KAT6A: variants seen among roughly 807,000 people sequenced by gnomAD.
KAT6A encodes lysine acetyltransferase 6A.
In KAT6A, 9 loss-of-function variants were observed where a neutral mutation model predicts 198.4. The observed-to-expected ratio is 0.05, with a 90% CI of 0.03 to 0.08. KAT6A has a LOEUF of 0.08. KAT6A is among the 10% of genes least tolerant of loss of function. KAT6A has a pLI of 1.00. For synonymous variants in KAT6A, 890 were observed against 883.0 expected (o/e 1.01, Z -0.14); for missense variants, 2,077 against 2,509.9 (o/e 0.83, Z 3.69).
chr8:41,961,522 A>T lies in KAT6A; in HGVS notation c.1483-6111T>A, dbSNP rs1823200573. 2.6e-5 allele frequency among the ~76,000 whole-genome samples: 4 copies of T among 152,192 alleles called. No individual in the cohort carries two copies. The South Asian group carries it at 8.3e-4, about 31-fold the overall frequency. On this transcript the variant is annotated intron_variant, in intron 8 of 16. Coordinates refer to ENST00000265713, the MANE Select transcript of KAT6A (RefSeq NM_006766.5). ...GTAATCCTAACACTTTGGGAGGCCA[A>T]GGTGGGCGGGTCACAAGGTCAAGAG...
rs759900272 is a variant in KAT6A, at chr8:42,048,536, G to T, written c.442C>A (p.Arg148=). The change falls in exon 2 of 17, where the codon CGA becomes AGA. Residue 148 remains arginine, a synonymous_variant. Coordinates refer to ENST00000265713, the MANE Select transcript of KAT6A (RefSeq NM_006766.5). Reference sequence around the variant, plus strand: ...CCAATGGCACGTTTGATAGCCAATCGTAACTGCTGGTGAAAGCCAGAGGCA... The same window carrying T: ...CCAATGGCACGTTTGATAGCCAATCTTAACTGCTGGTGAAAGCCAGAGGCA... ...SAASGFHQQL[R]LAIKRAIGHG... is the part of the protein sequence containing the mutation. 4 of 1,614,148 alleles carry T rather than the reference G, an allele frequency of 2.5e-6. No individual in the cohort carries two copies. Among genetic ancestry groups the T allele is most frequent in the African/African-American group, 2.7e-5 (2 of 75,048 alleles).
intron 2 of KAT6A, among the ~76,000 whole-genome samples, chr8:42,031,993 G>A (rs539834373): frequency 5.3e-5 from 8 of 150,720 alleles, no homozygotes; most frequent in South Asian, 2.1e-4. Context: ...GCAGTGGCCC[G>A]ATCTCAGCTC....
intron 2 of KAT6A, among the ~76,000 whole-genome samples, chr8:41,993,024 A>C (rs1015991439): frequency 5.9e-5 from 9 of 152,328 alleles, no homozygotes; most frequent in Admixed American, 5.9e-4. Flanking sequence ...GGTATTCAAA[A>C]TCATAACTAA....
intron 3 of KAT6A, among the ~76,000 whole-genome samples, chr8:41,985,892 C>T (rs186580180): frequency 2.0e-5 from 3 of 152,098 alleles, no homozygotes; most frequent in African/African-American, 7.2e-5. Context: ...AAAGATAATG[C>T]TGGTTTGCTA....
At chr8:42,000,307 T>C (rs1047955479) in intron 2 of KAT6A, among the ~76,000 whole-genome samples, 11 of 152,164 alleles carry the variant, frequency 7.2e-5, no homozygotes, top group African/African-American at 2.4e-4. Flanking sequence ...TCCCAGCACT[T>C]TGGGAGGCTG....
chr8:42,043,746 G>A (rs773386712), intron 2 of KAT6A, among the ~76,000 whole-genome samples: 1 of 152,166 alleles, frequency 6.6e-6, no homozygotes, highest in Non-Finnish European at 1.5e-5. Context: ...CTCCTAAGAG[G>A]TGGTCAGTAT....
Position 41,977,073 on chromosome 8 carries a change from T to C in KAT6A, c.1298A>G (p.Tyr433Cys), listed in dbSNP as rs1221499954. 1 of 1,614,120 alleles carries C rather than the reference T, an allele frequency of 6.2e-7. No homozygotes were observed. Among genetic ancestry groups the C allele is most frequent in the Non-Finnish European group, 8.5e-7 (1 of 1,180,012 alleles). The change falls in exon 7 of 17, where the codon TAC becomes TGC. Residue 433 changes from tyrosine to cysteine, a missense_variant. Physicochemically the swap from Tyr to Cys is radical, Grantham distance 194 (BLOSUM62 -2). Transcript: ENST00000265713. ...CTTTCTGATTCGATATTGCTCAGAG[T>C]AGTCCACCACTTCCCCCCGAGCTTT... ...GRKARGEVVD[Y>C]SEQYRIRKRG...
chr8:42,051,180 G>A lies in KAT6A; in HGVS notation c.-326+721C>T, dbSNP rs1360619243. ...CCCTAAGCTCTGGGGGCCGGCTCGAGGGCGGCGCGGGTTGCTGGGAGCCTG... is the reference window on the plus strand; with the variant it reads ...CCCTAAGCTCTGGGGGCCGGCTCGAAGGCGGCGCGGGTTGCTGGGAGCCTG... On this transcript the variant is annotated intron_variant, in intron 1 of 16. Coordinates refer to ENST00000265713, the MANE Select transcript of KAT6A (RefSeq NM_006766.5). Among the ~76,000 whole-genome samples, 3 of 152,124 alleles carry A rather than the reference G, an allele frequency of 2.0e-5. No individual in the cohort carries two copies. In the East Asian group the frequency reaches 5.8e-4, roughly 29 times the overall value.
intron 3 of KAT6A, among the ~76,000 whole-genome samples, chr8:41,983,282 C>A (rs781549793): frequency 3.9e-5 from 6 of 152,086 alleles, no homozygotes; most frequent in Non-Finnish European, 7.4e-5. Flanking sequence ...AGGATTTTCT[C>A]TTTTATGAGA....
At chr8:41,988,851 C>T (rs1163250332) in intron 2 of KAT6A, among the ~76,000 whole-genome samples, 2 of 152,166 alleles carry the variant, frequency 1.3e-5, no homozygotes, top group Admixed American at 6.5e-5. Context: ...AGTCACCTCT[C>T]AACTGTTTAT....
At chr8:42,003,884 T>C (rs1322111819) in intron 2 of KAT6A, among the ~76,000 whole-genome samples, 1 of 152,172 alleles carries the variant, frequency 6.6e-6, no homozygotes, top group African/African-American at 2.4e-5. Context: ...AAGGTGACCA[T>C]CTGCAAGACA....
chr8:41,993,500 T>C (rs1327515490), intron 2 of KAT6A, among the ~76,000 whole-genome samples: 1 of 152,248 alleles, frequency 6.6e-6, no homozygotes, highest in Non-Finnish European at 1.5e-5. Context: ...AAGATGCATA[T>C]TCTTTGGCCA....
At chr8:41,956,533 T>C (rs560109532) in intron 8 of KAT6A, among the ~76,000 whole-genome samples, 1 of 152,360 alleles carries the variant, frequency 6.6e-6, no homozygotes, top group East Asian at 1.9e-4. Flanking sequence ...ATTGGTTTTA[T>C]ATAAATCCGT....
Position 41,946,523 on chromosome 8 carries a change from C to T in KAT6A, c.1996+68G>A, listed in dbSNP as rs1436890002. 101 of 774,588 alleles carry T rather than the reference C, an allele frequency of 1.3e-4. 2 individuals carry two copies. The highest frequency in any genetic ancestry group is 1.7e-4 in the Non-Finnish European group (75 of 438,068). 48.0% of individuals were successfully genotyped at this position (774,588 alleles called of 1,614,324 possible). A position where few individuals can be genotyped will look rare whatever the true frequency, so the allele number is the denominator to read the frequency against. On this transcript the variant is annotated intron_variant, in intron 12 of 16. Coordinates refer to ENST00000265713, the MANE Select transcript of KAT6A (RefSeq NM_006766.5). ...ACACACACACACACACACACACACA[C>T]ACACACACACACACACACAGAGAAG...
chr8:41,992,651 T>C (rs759430185), intron 2 of KAT6A, among the ~76,000 whole-genome samples: 43 of 152,274 alleles, frequency 2.8e-4, no homozygotes, highest in South Asian at 6.2e-4. Flanking sequence ...ATAAAGCTCA[T>C]TGTATCACTT....
chr8:42,024,950 T>C (rs1378838401), intron 2 of KAT6A, among the ~76,000 whole-genome samples: 1 of 152,226 alleles, frequency 6.6e-6, no homozygotes, highest in Non-Finnish European at 1.5e-5. Context: ...CTCCTTCCTT[T>C]AGATAAACAC....
At position 41,963,222 on chromosome 8, in the gene KAT6A, T is replaced by A. The variant is rs530954183; in HGVS notation, c.1483-7811A>T. On this transcript the variant is annotated intron_variant, in intron 8 of 16. Transcript: ENST00000265713. ...AATATTTATTATTAGATAAATATTA[T>A]CTTTGATAAAAATTTTAAACAATCA... Among the ~76,000 whole-genome samples, 8 of 152,292 alleles carry A rather than the reference T, an allele frequency of 5.3e-5. No homozygotes were observed. The East Asian group carries it at 1.2e-3, about 22-fold the overall frequency.
intron 9 of KAT6A, among the ~76,000 whole-genome samples, chr8:41,954,439 T>C (rs1387262540): frequency 2.6e-5 from 4 of 152,252 alleles, no homozygotes; most frequent in Non-Finnish European, 4.4e-5. Context: ...TGATGTATTA[T>C]TTCTTGTAAC....
chr8:41,937,831 A>G (rs915228667), intron 15 of KAT6A, among the ~76,000 whole-genome samples: 2 of 152,246 alleles, frequency 1.3e-5, no homozygotes. Context: ...TTCTCTTAAT[A>G]GTTCAGTTAA....
Sources: gnomAD v4.1 joint callset for allele counts (sites outside exome capture counted in the v4.1 genomes callset) on GRCh38, gnomAD v4.1.1 for gene constraint, MANE v1.5 for transcripts, NCBI Gene and HGNC (gene_info 2026-07-23, HGNC 2026-07-21) for gene names.